The following ARHGAP29 variants were observed in gnomAD, a reference collection of about 807,000 sequenced individuals.
The protein encoded by ARHGAP29 is rho GTPase-activating protein 29.
ARHGAP29 carries 43 observed loss-of-function variants against 122.6 expected under a neutral mutation model. The ratio of observed to expected loss-of-function variants is 0.35; its 90% CI spans 0.27 to 0.45. The LOEUF (loss-of-function observed/expected upper bound fraction) is 0.45. Among genes scored for constraint, ARHGAP29 ranks in the 20% least tolerant of loss-of-function variants. The probability of loss-of-function intolerance (pLI) is 1.00; values close to 1 mark genes in which losing one functional copy is unlikely to be tolerated. For synonymous variants in ARHGAP29, 506 were observed against 497.1 expected (o/e 1.02, Z -0.24); for missense variants, 1,303 against 1,477.2 (o/e 0.88, Z 1.93).
intron 5 of ARHGAP29, among the ~76,000 whole-genome samples, chr1:94,206,230 T>C (rs934816716): frequency 1.3e-5 from 2 of 152,034 alleles, no homozygotes; most frequent in African/African-American, 2.4e-5. Context: ...GACTAGGAGG[T>C]GGAAGTGAAT....
At chr1:94,248,933 C>T (rs1206540271) in intron 1 of ARHGAP29, among the ~76,000 whole-genome samples, 1 of 152,200 alleles carries the variant, frequency 6.6e-6, no homozygotes, top group African/African-American at 2.4e-5. Context: ...AGGCTGGTCT[C>T]AAACTCCTGG....
rs749057368 is a variant in ARHGAP29 at position 94,177,723 on chromosome 1, GT to G, written c.2797-4del. On this transcript the variant is annotated splice_region_variant and splice_polypyrimidine_tract_variant and intron_variant, in intron 21 of 22. Transcript: ENST00000260526. ...TCACTCTCTGAAGTATGGATATCCT[GT>G]TGATGCAAGATAATTTTTAAAATGG... The G allele has an allele frequency of 6.2e-7, 1 of 1,603,262 alleles. No homozygotes were observed. Among genetic ancestry groups the G allele is most frequent in the African/African-American group, 1.3e-5 (1 of 74,386 alleles).
rs890474431 is a variant in ARHGAP29, at chr1:94,170,192, A to G, written c.*3677T>C. Reference sequence around the variant, plus strand: ...ATTTTACAATGGAGAAACCTGGTATATACTATCTGAACCAAGTGACCAAAA... The same window carrying G: ...ATTTTACAATGGAGAAACCTGGTATGTACTATCTGAACCAAGTGACCAAAA... On this transcript the variant is annotated 3_prime_UTR_variant, in exon 23 of 23. Transcript: ENST00000260526. Among the ~76,000 whole-genome samples, 3 of 152,248 alleles carry G rather than the reference A, an allele frequency of 2.0e-5. No homozygotes were observed. Among genetic ancestry groups the G allele is most frequent in the African/African-American group, 7.2e-5 (3 of 41,462 alleles).
chr1:94,237,746 T>A, upstream of ARHGAP29: 1 of 985,042 alleles, frequency 1.0e-6, no homozygotes, highest in Non-Finnish European at 1.2e-6. Flanking sequence ...CGACCGTCAG[T>A]TGCGCGCGGC....
intron 2 of ARHGAP29, among the ~76,000 whole-genome samples, chr1:94,221,536 T>TAAGTATATATTTTTATAC (rs1553210190): frequency 7.1e-6 from 1 of 140,078 alleles, no homozygotes. Context: ...ATTATTTATA[T>TAAGTATATATTTTTATAC]AAGTATATAT....
At chr1:94,184,826 T>A in intron 18 of ARHGAP29, 46 bp downstream of exon 18, 1 of 1,426,694 alleles carries the variant, frequency 7.0e-7, no homozygotes, top group Non-Finnish European at 9.5e-7. Flanking sequence ...TAGAATAGGT[T>A]ACACAGGCAT....
intron 1 of ARHGAP29, among the ~76,000 whole-genome samples, chr1:94,248,504 T>C (rs375499537): frequency 6.6e-6 from 1 of 152,260 alleles, no homozygotes; most frequent in African/African-American, 2.4e-5. Context: ...TCCTGTCACC[T>C]GTGCTGACAC....
chr1:94,294,147 A>G, the ARHGAP29 span, among the ~76,000 whole-genome samples: 1 of 152,290 alleles, frequency 6.6e-6, no homozygotes, highest in East Asian at 1.9e-4. Flanking sequence ...AATAAAGGAG[A>G]AGGATTTGGG....
At chr1:94,282,320 T>A in the ARHGAP29 span, among the ~76,000 whole-genome samples, 2 of 151,940 alleles carry the variant, frequency 1.3e-5, no homozygotes, top group African/African-American at 4.8e-5. Flanking sequence ...GAAGTCTCCC[T>A]CTGTCACCCA....
chr1:94,255,044 T>C (rs1654279722), intron 1 of ARHGAP29, among the ~76,000 whole-genome samples: 1 of 152,320 alleles, frequency 6.6e-6, no homozygotes. Flanking sequence ...CAATGTGTTA[T>C]AGGTTGAACT....
chr1:94,238,344 C>T (rs1346703343), upstream of ARHGAP29, among the ~76,000 whole-genome samples: 1 of 151,962 alleles, frequency 6.6e-6, no homozygotes, highest in Non-Finnish European at 1.5e-5. Context: ...ACTGGGATTA[C>T]AAGCATGAGC....
intron 1 of ARHGAP29, among the ~76,000 whole-genome samples, chr1:94,264,210 G>A (rs570930715): frequency 6.6e-6 from 1 of 152,300 alleles, no homozygotes; most frequent in South Asian, 2.1e-4. Context: ...GGCAACCCTT[G>A]ATTTCTTTCT....
chr1:94,311,311 C>G, the ARHGAP29 span, among the ~76,000 whole-genome samples: 1 of 152,278 alleles, frequency 6.6e-6, no homozygotes, highest in East Asian at 1.9e-4. Context: ...TGATTTCCCT[C>G]TGTTCATGGA....
At chr1:94,298,203 T>C in the ARHGAP29 span, among the ~76,000 whole-genome samples, 1 of 152,232 alleles carries the variant, frequency 6.6e-6, no homozygotes, top group South Asian at 2.1e-4. Context: ...CTTATGTACG[T>C]ATACTTTAGA....
the ARHGAP29 span, among the ~76,000 whole-genome samples, chr1:94,289,988 G>T: frequency 1.1e-4 from 16 of 152,146 alleles, no homozygotes; most frequent in African/African-American, 3.9e-4. Flanking sequence ...TTTGGTATCA[G>T]GATGATGCTG....
chr1:94,298,454 T>G, the ARHGAP29 span, among the ~76,000 whole-genome samples: 1 of 152,216 alleles, frequency 6.6e-6, no homozygotes, highest in South Asian at 2.1e-4. Context: ...ATTTTCAACT[T>G]TTAACGATTG....
At chr1:94,261,715 A>G (rs1431284803) in intron 1 of ARHGAP29, among the ~76,000 whole-genome samples, 1 of 152,204 alleles carries the variant, frequency 6.6e-6, no homozygotes, top group Non-Finnish European at 1.5e-5. Context: ...AAAGTTCTCT[A>G]CAAGGAGAAC....
intron 15 of ARHGAP29, 77 bp downstream of exon 15, chr1:94,188,742 GAAAGTTCACTATAAAAAC>G: frequency 9.6e-7 from 1 of 1,041,122 alleles, no homozygotes; most frequent in Non-Finnish European, 1.4e-6. Context: ...TATTATGTGT[GAAAGTTCACTATAAAAAC>G]AAGGTAGTTA....
chr1:94,196,890 A>G (rs1036297644), intron 12 of ARHGAP29, among the ~76,000 whole-genome samples: 1 of 152,206 alleles, frequency 6.6e-6, no homozygotes, highest in African/African-American at 2.4e-5. Flanking sequence ...AGCAATGCTT[A>G]GAGCGGAAAA....
Sources: gnomAD v4.1 joint callset for allele counts (sites outside exome capture counted in the v4.1 genomes callset) on GRCh38, gnomAD v4.1.1 for gene constraint, MANE v1.5 for transcripts, NCBI Gene and HGNC (gene_info 2026-07-23, HGNC 2026-07-21) for gene names.